The following ELF5 variants were observed in gnomAD, a reference collection of about 807,000 sequenced individuals.
ELF5 encodes the protein E74 like ETS transcription factor 5.
A neutral mutation model predicts 38.2 loss-of-function variants in ELF5; 31 were observed. That is an observed-to-expected ratio of 0.81 (90% CI 0.61 to 1.10). ELF5 has a LOEUF of 1.10. Among genes scored for constraint, ELF5 ranks in the 50% least tolerant of loss-of-function variants. The pLI is 0.00. For synonymous variants in ELF5, 121 were observed against 112.5 expected (o/e 1.08, Z -0.48); for missense variants, 300 against 306.6 (o/e 0.98, Z 0.16).
At chr11:34,480,535 G>A (rs1054480955) in intron 6 of ELF5, among the ~76,000 whole-genome samples, 1 of 152,140 alleles carries the variant, frequency 6.6e-6, no homozygotes, top group Admixed American at 6.5e-5. Flanking sequence ...CTTTGTGTGT[G>A]TGGGCGTGTG....
At chr11:34,492,302 G>T (rs138658457) in intron 3 of ELF5, 1 of 152,266 alleles carries the variant, frequency 6.6e-6, no homozygotes, top group Non-Finnish European at 1.5e-5. Flanking sequence ...GCCTTCAAGC[G>T]CTCATGATGG....
rs769174554 is a variant in ELF5, at chr11:34,505,680, T to C, written c.70A>G (p.Thr24Ala). 2 of 1,613,968 alleles carry C rather than the reference T, an allele frequency of 1.2e-6. No homozygotes were observed. Among genetic ancestry groups the C allele is most frequent in the East Asian group, 2.2e-5 (1 of 44,882 alleles). ...TACTCTTCATTGCTGAACAGATCAG[T>C]CCACGACATCAGGGGATCGCAGAAG... ...ASFCDPLMSWTDLFSNEEYYP... is the reference protein window; with the variant it reads ...ASFCDPLMSWADLFSNEEYYP... Residue 24 changes from threonine (T) to alanine (A), a missense_variant, in exon 2 of 7, where the codon ACT (threonine) becomes GCT (alanine). Transcript: ENST00000257832.
At chr11:34,488,391 G>T (rs561153283) in intron 4 of ELF5, among the ~76,000 whole-genome samples, 1 of 152,290 alleles carries the variant, frequency 6.6e-6, no homozygotes, top group African/African-American at 2.4e-5. Flanking sequence ...TGGGTCATCT[G>T]TTGCCTTCTA....
intron 3 of ELF5, chr11:34,493,236 T>C: frequency 1.7e-6 from 1 of 599,890 alleles, no homozygotes; most frequent in Middle Eastern, 4.4e-4. Context: ...TCCCTGAACG[T>C]GGTGTCCGTT....
intron 2 of ELF5, among the ~76,000 whole-genome samples, chr11:34,500,096 G>A (rs1336526555): frequency 1.3e-5 from 2 of 152,198 alleles, no homozygotes; most frequent in Non-Finnish European, 2.9e-5. Flanking sequence ...TTTGTTCTCA[G>A]GGAAACGGGG....
Position 34,509,615 on chromosome 11 carries a change from AG to A in ELF5, c.-4-3863del, listed in dbSNP as rs1263875529. 3.8e-3 allele frequency among the ~76,000 whole-genome samples: 473 copies of A among 125,882 alleles called. 1 individual carries two copies. Among genetic ancestry groups the A allele is most frequent in the Non-Finnish European group, 6.9e-3 (378 of 54,474 alleles). 82.6% of individuals were successfully genotyped at this position (125,882 alleles called of 152,430 possible). A position where few individuals can be genotyped will look rare whatever the true frequency, so the allele number is the denominator to read the frequency against. ...ATTGGCTGGTTTTATATCCTGAGTG[AG>A]GGGGGCAGGGAGGGGGTAGGATGCT... On this transcript the variant is annotated intron_variant, in intron 1 of 6. Transcript: ENST00000257832.
intron 4 of ELF5, among the ~76,000 whole-genome samples, chr11:34,487,980 G>A (rs1850050008): frequency 6.6e-6 from 1 of 151,930 alleles, no homozygotes; most frequent in Non-Finnish European, 1.5e-5. Flanking sequence ...CTCCGCACTG[G>A]CCATTCGCTG....
chr11:34,481,600 T>G (rs906455883), intron 5 of ELF5, among the ~76,000 whole-genome samples: 1 of 152,206 alleles, frequency 6.6e-6, no homozygotes, highest in Non-Finnish European at 1.5e-5. Context: ...ATCTTTTCAT[T>G]CTTCTTTCTG....
intron 2 of ELF5, among the ~76,000 whole-genome samples, chr11:34,494,155 T>C (rs188652668): frequency 6.6e-6 from 1 of 152,272 alleles, no homozygotes; most frequent in African/African-American, 2.4e-5. Context: ...ATCTGTAAAA[T>C]GGGGATAATA....
intron 2 of ELF5, among the ~76,000 whole-genome samples, chr11:34,499,015 C>G (rs545839234): frequency 5.3e-5 from 8 of 151,760 alleles, no homozygotes; most frequent in Non-Finnish European, 1.2e-4. Context: ...TGCTTGAACC[C>G]GGGAGGTGGA....
intron 1 of ELF5, among the ~76,000 whole-genome samples, chr11:34,509,955 A>T (rs759730167): frequency 3.3e-5 from 5 of 152,234 alleles, no homozygotes; most frequent in Non-Finnish European, 7.3e-5. Flanking sequence ...GATCTTCCTC[A>T]TCTATGCCTC....
At chr11:34,512,731 C>A (rs1451452765) in intron 1 of ELF5, among the ~76,000 whole-genome samples, 1 of 152,042 alleles carries the variant, frequency 6.6e-6, no homozygotes, top group African/African-American at 2.4e-5. Flanking sequence ...AGGGAGATGA[C>A]CAAACTGAAA....
intron 4 of ELF5, among the ~76,000 whole-genome samples, chr11:34,482,716 A>G (rs1457863643): frequency 1.3e-5 from 2 of 152,168 alleles, no homozygotes; most frequent in Non-Finnish European, 2.9e-5. Context: ...CCTGATGAGA[A>G]TAAATAAATC....
chr11:34,499,610 T>C (rs973235217), intron 2 of ELF5, among the ~76,000 whole-genome samples: 12 of 152,230 alleles, frequency 7.9e-5, no homozygotes, highest in Non-Finnish European at 1.6e-4. Context: ...TAAAAGAAGT[T>C]TGAGCTTAGA....
intron 1 of ELF5, among the ~76,000 whole-genome samples, chr11:34,508,517 AAT>A (rs1850669130): frequency 6.7e-6 from 1 of 149,050 alleles, no homozygotes; most frequent in Non-Finnish European, 1.5e-5. Context: ...AAAAATAAAA[AAT>A]AAAAAATAAA....
intron 5 of ELF5, among the ~76,000 whole-genome samples, chr11:34,482,016 T>G (rs1856954014): frequency 6.6e-6 from 1 of 152,164 alleles, no homozygotes; most frequent in South Asian, 2.1e-4. Flanking sequence ...CAATTCCCGG[T>G]GTTTTCTTTG....
intron 4 of ELF5, among the ~76,000 whole-genome samples, chr11:34,484,685 G>A (rs1411102093): frequency 6.6e-6 from 1 of 152,042 alleles, no homozygotes; most frequent in Non-Finnish European, 1.5e-5. Context: ...TGAACATCCT[G>A]CAGTGGTTCC....
chr11:34,501,984 C>T (rs1336812918), intron 2 of ELF5, among the ~76,000 whole-genome samples: 1 of 152,030 alleles, frequency 6.6e-6, no homozygotes, highest in Non-Finnish European at 1.5e-5. Context: ...AACTGAGAAG[C>T]TTGAGATGGA....
At chr11:34,483,486 C>T (rs1856988352) in intron 4 of ELF5, among the ~76,000 whole-genome samples, 2 of 151,886 alleles carry the variant, frequency 1.3e-5, no homozygotes, top group Admixed American at 6.6e-5. Context: ...AACTGTACTG[C>T]ACCACACTAT....
Sources: allele counts gnomAD v4.1 joint callset (sites outside exome capture counted in the v4.1 genomes callset), GRCh38; gene constraint gnomAD v4.1.1; transcripts MANE v1.5; gene names NCBI Gene and HGNC (gene_info 2026-07-23, HGNC 2026-07-21).